The following CRPPA variants were observed in gnomAD, a reference collection of about 807,000 sequenced individuals.
CRPPA encodes D-ribitol-5-phosphate cytidylyltransferase.
Under a neutral mutation model 52.0 loss-of-function variants are expected in CRPPA, and 43 were observed. That is an observed-to-expected ratio of 0.83 (90% CI 0.65 to 1.07). The LOEUF is 1.07. CRPPA is among the 50% of genes least tolerant of loss of function. The pLI is 0.00. For synonymous variants in CRPPA, 250 were observed against 203.5 expected, an observed-to-expected ratio of 1.23 and a Z score of -1.94; for missense variants, 629 against 551.7, an observed-to-expected ratio of 1.14 and a Z score of -1.40.
intron 4 of CRPPA, among the ~76,000 whole-genome samples, chr7:16,307,794 C>T (rs140778787): frequency 6.6e-6 from 1 of 151,832 alleles, no homozygotes; most frequent in African/African-American, 2.4e-5. Context: ...CTACCACCCC[C>T]ACTGGGTTGG....
intron 9 of CRPPA, among the ~76,000 whole-genome samples, chr7:16,126,201 G>C (rs1055984845): frequency 6.6e-6 from 1 of 152,044 alleles, no homozygotes; most frequent in Non-Finnish European, 1.5e-5. Flanking sequence ...CAGTCAATAG[G>C]CTCTTCCCCC....
intron 9 of CRPPA, among the ~76,000 whole-genome samples, chr7:16,136,182 C>G (rs1782758577): frequency 6.6e-6 from 1 of 152,038 alleles, no homozygotes; most frequent in Admixed American, 6.6e-5. Flanking sequence ...TTCACTTTGA[C>G]CACATAAATA....
chr7:16,100,643 T>C (rs1462062664), intron 9 of CRPPA, among the ~76,000 whole-genome samples: 1 of 152,204 alleles, frequency 6.6e-6, no homozygotes, highest in Non-Finnish European at 1.5e-5. Context: ...TATCCTTTAT[T>C]TCCTTCCCTT....
chr7:16,228,780 T>C (rs1369936247), intron 8 of CRPPA, among the ~76,000 whole-genome samples: 1 of 151,980 alleles, frequency 6.6e-6, no homozygotes, highest in Non-Finnish European at 1.5e-5. Flanking sequence ...GTTCAACTCT[T>C]GGACTGAATA....
At chr7:16,183,236 G>T (rs770543703) in intron 9 of CRPPA, among the ~76,000 whole-genome samples, 3 of 152,280 alleles carry the variant, frequency 2.0e-5, no homozygotes, top group Non-Finnish European at 4.4e-5. Flanking sequence ...TCTCTAGTCC[G>T]TAACATGCTC....
intron 9 of CRPPA, among the ~76,000 whole-genome samples, chr7:16,111,479 G>C (rs1170080936): frequency 2.0e-5 from 3 of 152,060 alleles, no homozygotes; most frequent in African/African-American, 7.2e-5. Context: ...CACTCCCATG[G>C]TCATTGCAGC....
At chr7:16,397,482 T>C (rs545004978) in intron 2 of CRPPA, among the ~76,000 whole-genome samples, 2 of 152,096 alleles carry the variant, frequency 1.3e-5, no homozygotes, top group Non-Finnish European at 1.5e-5. Flanking sequence ...ATAGTTGACA[T>C]AACAGAAACA....
intron 9 of CRPPA, 27 bp downstream of exon 9, chr7:16,216,039 C>T (rs759626694): frequency 4.2e-5 from 65 of 1,538,830 alleles, no homozygotes; most frequent in Admixed American, 2.0e-5. Flanking sequence ...ACAGAACATA[C>T]ATTCGGAAGA....
chr7:16,215,994 T>G, intron 9 of CRPPA, 72 bp downstream of exon 9: 2 of 1,199,570 alleles, frequency 1.7e-6, no homozygotes, highest in Non-Finnish European at 2.3e-6. Context: ...CCTCCTGCTT[T>G]TAACAAATCA....
At chr7:16,380,968 G>A (rs878922561) in intron 2 of CRPPA, among the ~76,000 whole-genome samples, 1 of 151,342 alleles carries the variant, frequency 6.6e-6, no homozygotes, top group African/African-American at 2.4e-5. Flanking sequence ...TTTTTTGAAG[G>A]GTTTTTTGTG....
At chr7:16,172,803 C>G (rs1299351384) in intron 9 of CRPPA, among the ~76,000 whole-genome samples, 2 of 152,098 alleles carry the variant, frequency 1.3e-5, no homozygotes, top group East Asian at 1.9e-4. Flanking sequence ...TGGGATAGAT[C>G]TTTTAAGAAA....
chr7:16,314,614 T>A (rs1231117809), intron 3 of CRPPA, among the ~76,000 whole-genome samples: 8 of 152,114 alleles, frequency 5.3e-5, no homozygotes, highest in Non-Finnish European at 8.8e-5. Flanking sequence ...GCAAAAAATT[T>A]CCATTTTTGT....
At chr7:16,148,900 T>C (rs890274055) in intron 9 of CRPPA, among the ~76,000 whole-genome samples, 1 of 152,200 alleles carries the variant, frequency 6.6e-6, no homozygotes, top group African/African-American at 2.4e-5. Context: ...ACACATTCTA[T>C]ATGTGTACCA....
intron 5 of CRPPA, among the ~76,000 whole-genome samples, chr7:16,294,712 G>A (rs1227225591): frequency 1.3e-5 from 2 of 151,876 alleles, no homozygotes; most frequent in East Asian, 1.9e-4. Flanking sequence ...AAAACTTGGG[G>A]TTACTATATA....
At chr7:16,377,649 G>A (rs549557619) in intron 2 of CRPPA, among the ~76,000 whole-genome samples, 1 of 152,204 alleles carries the variant, frequency 6.6e-6, no homozygotes, top group African/African-American at 2.4e-5. Context: ...CTACATTTTG[G>A]TAAGAACAGA....
chr7:16,122,592 C>G (rs1012514940), intron 9 of CRPPA, among the ~76,000 whole-genome samples: 1 of 151,944 alleles, frequency 6.6e-6, no homozygotes, highest in African/African-American at 2.4e-5. Context: ...ACTGAGAAAC[C>G]TATCCCACTC....
intron 1 of CRPPA, among the ~76,000 whole-genome samples, chr7:16,417,595 T>C (rs1284905412): frequency 1.3e-5 from 2 of 152,106 alleles, no homozygotes; most frequent in Non-Finnish European, 2.9e-5. Context: ...TGGGTACTCA[T>C]GGACATAAAG....
rs557433296 is a variant in CRPPA at position 16,127,942 on chromosome 7, T to G, written c.1252-36143A>C. On this transcript the variant is annotated intron_variant, in intron 9 of 9. Transcript: ENST00000407010. ...TTGGTCCCAATTTACACTAAGGAAG[T>G]AATTAGTTCATGCAATTTTTGAGGC... Among the ~76,000 whole-genome samples the G allele has an allele frequency of 2.3e-4, 35 of 152,320 alleles. 1 individual carries two copies. In the South Asian group the frequency reaches 6.8e-3, roughly 30 times the overall value.
At chr7:16,158,603 A>G (rs970986098) in intron 9 of CRPPA, among the ~76,000 whole-genome samples, 1 of 152,204 alleles carries the variant, frequency 6.6e-6, no homozygotes, top group African/African-American at 2.4e-5. Flanking sequence ...CATGTATTGT[A>G]ATTGAATCTA....
Sources: allele counts gnomAD v4.1 joint callset (sites outside exome capture counted in the v4.1 genomes callset), GRCh38; gene constraint gnomAD v4.1.1; transcripts MANE v1.5; gene names NCBI Gene and HGNC (gene_info 2026-07-23, HGNC 2026-07-21).